DNAH6: variants seen among roughly 807,000 people sequenced by gnomAD.
DNAH6 encodes dynein axonemal heavy chain 6, also known as axonemal beta dynein heavy chain 6.
In DNAH6, 340 loss-of-function variants were observed where a neutral mutation model predicts 491.4. The observed-to-expected ratio is 0.69, with a 90% CI of 0.63 to 0.76. DNAH6 has a LOEUF of 0.76. Among genes scored for constraint, DNAH6 ranks in the 30% least tolerant of loss-of-function variants. DNAH6 has a pLI of 0.00. For missense variants in DNAH6, 4,443 were observed against 4,972.2 expected, an observed-to-expected ratio of 0.89 and a Z score of 3.20; for synonymous variants, 1,603 against 1,686.1, an observed-to-expected ratio of 0.95 and a Z score of 1.21.
At chr2:84,643,907 T>G (rs907277115) in intron 33 of DNAH6, among the ~76,000 whole-genome samples, 4 of 152,092 alleles carry the variant, frequency 2.6e-5, no homozygotes, top group African/African-American at 7.2e-5. Flanking sequence ...TGTTTTTTTT[T>G]GTTTTATTTT....
intron 42 of DNAH6, 56 bp from the exon 43 acceptor site, chr2:84,685,270 G>A (rs1694158348): frequency 2.4e-6 from 3 of 1,272,946 alleles, no homozygotes; most frequent in Non-Finnish European, 3.1e-6. Flanking sequence ...AACTATTACT[G>A]GAGATTCTAC....
At chr2:84,471,293 T>C in the DNAH6 span, among the ~76,000 whole-genome samples, 7 of 152,378 alleles carry the variant, frequency 4.6e-5, no homozygotes, top group Admixed American at 3.9e-4. Context: ...AATTGCAGGC[T>C]GTGCAGCCCT....
intron 13 of DNAH6, 44 bp from the exon 14 acceptor site, chr2:84,579,483 A>G: frequency 6.3e-7 from 1 of 1,595,814 alleles, no homozygotes; most frequent in Non-Finnish European, 8.6e-7. Context: ...TAATAAAATG[A>G]AAATATTCGA....
intron 13 of DNAH6, among the ~76,000 whole-genome samples, chr2:84,578,272 AAAAG>A (rs1357073714): frequency 6.6e-6 from 1 of 152,110 alleles, no homozygotes; most frequent in African/African-American, 2.4e-5. Flanking sequence ...TCTGGTAAAA[AAAAG>A]AAATATATAT....
chr2:84,513,680 A>G (rs1675418628), upstream of DNAH6, among the ~76,000 whole-genome samples: 1 of 151,592 alleles, frequency 6.6e-6, no homozygotes, highest in Non-Finnish European at 1.5e-5. Flanking sequence ...TTAATTGTAA[A>G]TTTATATTTG....
intron 14 of DNAH6, among the ~76,000 whole-genome samples, chr2:84,582,114 C>T (rs371875035): frequency 7.3e-4 from 111 of 152,166 alleles, no homozygotes; most frequent in African/African-American, 2.5e-3. Flanking sequence ...ATAACTTGTT[C>T]GAGGTGTTAG....
At chr2:84,555,259 C>A (rs575757837) in intron 10 of DNAH6, among the ~76,000 whole-genome samples, 1 of 152,218 alleles carries the variant, frequency 6.6e-6, no homozygotes, top group South Asian at 2.1e-4. Flanking sequence ...ATACTTGATT[C>A]AATATATACT....
intron 70 of DNAH6, among the ~76,000 whole-genome samples, chr2:84,804,228 T>C (rs1303249705): frequency 1.4e-5 from 2 of 143,308 alleles, no homozygotes; most frequent in African/African-American, 5.2e-5. Flanking sequence ...AAAAAAAGTC[T>C]AATAAAATCA....
At chr2:84,597,655 A>T (rs1046159847) in intron 18 of DNAH6, among the ~76,000 whole-genome samples, 1 of 152,256 alleles carries the variant, frequency 6.6e-6, no homozygotes, top group African/African-American at 2.4e-5. Context: ...AGAAACTTCA[A>T]TACAAATGTT....
intron 33 of DNAH6, among the ~76,000 whole-genome samples, chr2:84,643,759 C>T (rs1438671023): frequency 6.6e-6 from 1 of 152,072 alleles, no homozygotes; most frequent in Non-Finnish European, 1.5e-5. Context: ...CTTATATTGC[C>T]CAGCTGTTTC....
At chr2:84,776,952 G>A (rs1676186904) in intron 64 of DNAH6, among the ~76,000 whole-genome samples, 1 of 152,190 alleles carries the variant, frequency 6.6e-6, no homozygotes, top group Admixed American at 6.5e-5. Flanking sequence ...TAGGGACATG[G>A]ATGAAGCTGG....
intron 29 of DNAH6, among the ~76,000 whole-genome samples, chr2:84,627,417 T>C (rs1353508465): frequency 6.6e-6 from 1 of 152,212 alleles, no homozygotes; most frequent in Non-Finnish European, 1.5e-5. Context: ...TGATAATTTG[T>C]AGAGGGTGGA....
At chr2:84,561,523 GC>G (rs2104621749) in intron 11 of DNAH6, among the ~76,000 whole-genome samples, 1 of 152,228 alleles carries the variant, frequency 6.6e-6, no homozygotes, top group South Asian at 2.1e-4. Context: ...GGCAACAAAA[GC>G]CAAAATTGAC....
chr2:84,730,178 A>G (rs1428204527), intron 61 of DNAH6, among the ~76,000 whole-genome samples: 1 of 152,222 alleles, frequency 6.6e-6, no homozygotes, highest in East Asian at 1.9e-4. Flanking sequence ...GAAGGTGGCA[A>G]CAACAACAAA....
chr2:84,635,555 G>A (rs1037066350), intron 30 of DNAH6, among the ~76,000 whole-genome samples: 1 of 152,064 alleles, frequency 6.6e-6, no homozygotes, highest in Non-Finnish European at 1.5e-5. Flanking sequence ...TTATCATCTG[G>A]CTGAGCAATT....
intron 47 of DNAH6, among the ~76,000 whole-genome samples, chr2:84,698,992 A>G (rs1033237256): frequency 3.9e-5 from 6 of 152,316 alleles, no homozygotes; most frequent in Admixed American, 1.3e-4. Flanking sequence ...TAACATGGAC[A>G]TAAAGTTGGG....
Position 84,583,907 on chromosome 2 carries a change from A to G in DNAH6, c.2230-92A>G, listed in dbSNP as rs534500250. The G allele has an allele frequency of 7.7e-6, 10 of 1,301,626 alleles. No homozygotes were observed. The South Asian group carries it at 1.4e-4, about 18-fold the overall frequency. 80.6% of individuals were successfully genotyped at this position (1,301,626 alleles called of 1,614,324 possible). ...AGCAGAACAGACTAATACAATGTTC[A>G]TATTGTACAGTGTCTGTCTCCTGTT... On this transcript the variant is annotated intron_variant, in intron 14 of 76. Coordinates refer to ENST00000389394, the MANE Select transcript of DNAH6 (RefSeq NM_001370.2).
chr2:84,492,146 A>T, the DNAH6 span, among the ~76,000 whole-genome samples: 1 of 152,230 alleles, frequency 6.6e-6, no homozygotes, highest in Non-Finnish European at 1.5e-5. Flanking sequence ...GATTCAACAC[A>T]CTATGTCACC....
At chr2:84,521,413 T>G (rs1177865283) in intron 2 of DNAH6, among the ~76,000 whole-genome samples, 2 of 152,178 alleles carry the variant, frequency 1.3e-5, no homozygotes, top group East Asian at 3.8e-4. Flanking sequence ...TTTCTTCCAT[T>G]CTGTAGGTTG....
Sources: gnomAD v4.1 joint callset for allele counts (sites outside exome capture counted in the v4.1 genomes callset) on GRCh38, gnomAD v4.1.1 for gene constraint, MANE v1.5 for transcripts, NCBI Gene and HGNC (gene_info 2026-07-23, HGNC 2026-07-21) for gene names.